ZKSCAN8: variants seen among roughly 807,000 people sequenced by gnomAD.
The protein encoded by ZKSCAN8 is zinc finger protein with KRAB and SCAN domains 8.
In ZKSCAN8, 27 loss-of-function variants were observed where a neutral mutation model predicts 57.2. The observed-to-expected ratio is 0.47, with a 90% CI of 0.35 to 0.65. The LOEUF (loss-of-function observed/expected upper bound fraction) is 0.65, where lower values mean the gene tolerates loss of function less well. ZKSCAN8 is among the 30% of genes least tolerant of loss of function. The pLI is 0.01. For synonymous variants in ZKSCAN8, 214 were observed against 248.7 expected (o/e 0.86, Z 1.31); for missense variants, 597 against 696.3 (o/e 0.86, Z 1.60).
At chr6:28,145,255 AGG>A (rs1189351193) in intron 1 of ZKSCAN8, among the ~76,000 whole-genome samples, 6 of 152,160 alleles carry the variant, frequency 3.9e-5, no homozygotes, top group Admixed American at 3.3e-4. Flanking sequence ...ACATTATGAA[AGG>A]TCCCTGGGAT....
chr6:28,148,970 T>C (rs1389090014), intron 2 of ZKSCAN8, 146 bp downstream of exon 2: 2 of 960,340 alleles, frequency 2.1e-6, no homozygotes, highest in Non-Finnish European at 3.0e-6. Context: ...GTATGACTTG[T>C]AGAGTTCTTT....
Position 28,154,049 on chromosome 6 carries a change from C to T in ZKSCAN8, c.*32C>T. On this transcript the variant is annotated 3_prime_UTR_variant, in exon 6 of 6. Transcript: ENST00000330236. ...CATCAGTTAGAGTTTGAGCATTATTCAGCATTAGGGAAACCACACACTGGT... is the reference window on the plus strand; with the variant it reads ...CATCAGTTAGAGTTTGAGCATTATTTAGCATTAGGGAAACCACACACTGGT... The T allele has an allele frequency of 6.5e-7, 1 of 1,547,956 alleles. No individual in the cohort carries two copies. The highest frequency in any genetic ancestry group is 1.3e-5 in the South Asian group (1 of 79,120).
Position 28,158,500 on chromosome 6 carries a change from A to G in ZKSCAN8, c.*4483A>G, listed in dbSNP as rs1765861099. ...TCTTTTTAAACAGGCCTCATTGCGT[A>G]ATTCCTTTGCCCTGAAAAGTGTCAC... On this transcript the variant is annotated 3_prime_UTR_variant, in exon 6 of 6. Coordinates refer to ENST00000330236, the MANE Select transcript of ZKSCAN8 (RefSeq NM_006298.4). 2 of 152,110 alleles carry G rather than the reference A, an allele frequency of 1.3e-5. No homozygotes were observed. Among genetic ancestry groups the G allele is most frequent in the African/African-American group, 2.4e-5 (1 of 41,410 alleles). The allele number at this position is 152,110 out of a possible 1,614,324, so 9.4% of individuals were successfully genotyped here.
At chr6:28,150,639 G>A (rs1765561917) in intron 3 of ZKSCAN8, among the ~76,000 whole-genome samples, 1 of 152,070 alleles carries the variant, frequency 6.6e-6, no homozygotes, top group South Asian at 2.1e-4. Flanking sequence ...CTGACTTAGT[G>A]ATTACTAGAA....
At chr6:28,149,371 G>A in intron 2 of ZKSCAN8, 112 bp from the exon 3 acceptor site, 1 of 1,359,960 alleles carries the variant, frequency 7.4e-7, no homozygotes, top group East Asian at 2.4e-5. Context: ...GGAAGATTCT[G>A]CTGCTTCCTT....
chr6:28,148,335 C>A lies in ZKSCAN8; in HGVS notation c.-73C>A. 6.8e-7 allele frequency: 1 copy of A among 1,464,670 alleles called. No individual in the cohort carries two copies. Among genetic ancestry groups the A allele is most frequent in the African/African-American group, 1.4e-5 (1 of 70,530 alleles). 90.7% of individuals were successfully genotyped at this position (1,464,670 alleles called of 1,614,324 possible). ...ATGAAGAAGTACCCTTAGAAAGAGG[C>A]CCTCAGAAGAGTCTTCTCTTAAGAA... On this transcript the variant is annotated 5_prime_UTR_variant, in exon 2 of 6. Coordinates refer to ENST00000330236, the MANE Select transcript of ZKSCAN8 (RefSeq NM_006298.4).
At chr6:28,152,426 G>C in intron 5 of ZKSCAN8, 42 bp downstream of exon 5, 1 of 1,566,040 alleles carries the variant, frequency 6.4e-7, no homozygotes, top group Non-Finnish European at 8.6e-7. Flanking sequence ...TAGATTTTTT[G>C]TTTGTTTGTT....
At position 28,148,450 on chromosome 6, in the gene ZKSCAN8, G is replaced by T; in HGVS notation, c.43G>T (p.Asp15Tyr). Reference protein sequence around the residue: ...SRKPSAPSPPDQTPEEDLVIV... With the variant: ...SRKPSAPSPPYQTPEEDLVIV... ...AAAGCCTTCAGCCCCATCCCCACCAGACCAGACTCCTGAAGAGGATCTTGT... is the reference window on the plus strand; with the variant it reads ...AAAGCCTTCAGCCCCATCCCCACCATACCAGACTCCTGAAGAGGATCTTGT... The change falls in exon 2 of 6, where the codon GAC (aspartate) becomes TAC (tyrosine). Residue 15 changes from aspartate to tyrosine, a missense_variant. Coordinates refer to ENST00000330236, the MANE Select transcript of ZKSCAN8 (RefSeq NM_006298.4). 1 of 1,614,114 alleles carries T rather than the reference G, an allele frequency of 6.2e-7. No homozygotes were observed. Among genetic ancestry groups the T allele is most frequent in the South Asian group, 1.1e-5 (1 of 91,026 alleles).
rs567991606 is a variant in ZKSCAN8 at position 28,152,129 on chromosome 6, C to T, written c.652-132C>T. On this transcript the variant is annotated intron_variant, in intron 4 of 5. Coordinates refer to ENST00000330236, the MANE Select transcript of ZKSCAN8 (RefSeq NM_006298.4). ...TCATGCATTTTCCTCTTCTTCCTAG[C>T]TATTCAGATCCCTTTACATAGTACA... is the stretch of plus-strand genomic sequence containing the variant. 23 of 1,419,052 alleles carry T rather than the reference C, an allele frequency of 1.6e-5. No homozygotes were observed. In the Admixed American group the frequency reaches 4.8e-4, roughly 30 times the overall value. 87.9% of individuals were successfully genotyped at this position (1,419,052 alleles called of 1,614,324 possible). A position where few individuals can be genotyped will look rare whatever the true frequency, so the allele number is the denominator to read the frequency against.
intron 3 of ZKSCAN8, among the ~76,000 whole-genome samples, chr6:28,150,721 C>T (rs1020804017): frequency 1.3e-5 from 2 of 152,084 alleles, no homozygotes; most frequent in African/African-American, 4.8e-5. Flanking sequence ...AGAGTGCTCC[C>T]TTCTCCCAAT....
intron 3 of ZKSCAN8, among the ~76,000 whole-genome samples, chr6:28,151,525 G>A (rs1237109879): frequency 6.6e-6 from 1 of 152,156 alleles, no homozygotes; most frequent in African/African-American, 2.4e-5. Context: ...TAGGACCTAA[G>A]GAAATACTGT....
chr6:28,156,162 C>T lies in ZKSCAN8; in HGVS notation c.*2145C>T. 2.5e-6 allele frequency: 1 copy of T among 398,180 alleles called. No homozygotes were observed. Among genetic ancestry groups the T allele is most frequent in the South Asian group, 1.3e-4 (1 of 7,858 alleles). The allele number at this position is 398,180 out of a possible 1,614,324, so 24.7% of individuals were successfully genotyped here. ...CAGAGGGAAAATATATGTGTATGTA[C>T]ACATGTGTATGTACACACACACACA... On this transcript the variant is annotated 3_prime_UTR_variant, in exon 6 of 6. Transcript: ENST00000330236.
intron 1 of ZKSCAN8, among the ~76,000 whole-genome samples, chr6:28,145,450 G>A (rs1338084319): frequency 6.6e-6 from 1 of 151,926 alleles, no homozygotes; most frequent in Non-Finnish European, 1.5e-5. Flanking sequence ...AAAAAATTTG[G>A]TCCCTATTGA....
intron 1 of ZKSCAN8, among the ~76,000 whole-genome samples, chr6:28,142,598 A>G (rs1765256341): frequency 1.3e-5 from 2 of 151,982 alleles, no homozygotes; most frequent in Non-Finnish European, 2.9e-5. Flanking sequence ...TTCATTTGTT[A>G]AAGCAAACTG....
rs376801736 is a variant in ZKSCAN8, at chr6:28,142,169, T to G, written c.-93+140T>G. On this transcript the variant is annotated intron_variant, in intron 1 of 5. Transcript: ENST00000330236. The stretch of plus-strand genomic sequence containing the variant: ...CGCGGACCGATTCTGACGCCTTAGT[T>G]GCTGTTGCAGGCAGAGTACGTCCCC... The G allele has an allele frequency of 1.0e-4, 16 of 152,396 alleles. 1 individual carries two copies. Among genetic ancestry groups the G allele is most frequent in the African/African-American group, 3.6e-4 (15 of 41,576 alleles). 9.4% of individuals were successfully genotyped at this position (152,396 alleles called of 1,614,324 possible).
chr6:28,152,422 T>C (rs1310782847), intron 5 of ZKSCAN8, 38 bp downstream of exon 5: 3 of 1,568,718 alleles, frequency 1.9e-6, no homozygotes, highest in Non-Finnish European at 2.6e-6. Context: ...ATTTTAGATT[T>C]TTTGTTTGTT....
Position 28,145,782 on chromosome 6 carries a change from G to A in ZKSCAN8, c.-92-2534G>A, listed in dbSNP as rs1054491690. On this transcript the variant is annotated intron_variant, in intron 1 of 5. Coordinates refer to ENST00000330236, the MANE Select transcript of ZKSCAN8 (RefSeq NM_006298.4). ...TCACATGACCTTCTCCTTTCTCAGA[G>A]TCTGTCTCTGTGTCTTTTTTCCTTT... 2.6e-5 allele frequency among the ~76,000 whole-genome samples: 4 copies of A among 152,158 alleles called. No homozygotes were observed. In the East Asian group the frequency reaches 7.7e-4, roughly 29 times the overall value.
rs567686629 is a variant in ZKSCAN8 at position 28,147,087 on chromosome 6, G to A, written c.-92-1229G>A. 4.6e-5 allele frequency among the ~76,000 whole-genome samples: 7 copies of A among 152,052 alleles called. No homozygotes were observed. The East Asian group carries it at 1.4e-3, about 29-fold the overall frequency. ...ACTTTTTTTCTTCAAAAGGCCCTAT[G>A]AAAAGGATGAAAAAGAGGGAATACT... is the stretch of plus-strand genomic sequence containing the variant. On this transcript the variant is annotated intron_variant, in intron 1 of 5. Transcript: ENST00000330236.
At position 28,144,256 on chromosome 6, in the gene ZKSCAN8, A is replaced by G. The variant is rs904210538; in HGVS notation, c.-93+2227A>G. ...TTCTTGGATGGCCTTTGAGTCTGTG[A>G]ACTCTGCCGAAATTGAGTATACAAT... is the stretch of plus-strand genomic sequence containing the variant. On this transcript the variant is annotated intron_variant, in intron 1 of 5. Coordinates refer to ENST00000330236, the MANE Select transcript of ZKSCAN8 (RefSeq NM_006298.4). This position sits in a 1 kb window ranked among gnomAD's most constrained non-coding sequence, Gnocchi z 4.5. 4 of 152,206 alleles carry G rather than the reference A, an allele frequency of 2.6e-5. No homozygotes were observed. Among genetic ancestry groups the G allele is most frequent in the Non-Finnish European group, 5.9e-5 (4 of 68,068 alleles). The allele number at this position is 152,206 out of a possible 1,614,324, so 9.4% of individuals were successfully genotyped here.
Sources: gnomAD v4.1 joint callset for allele counts (sites outside exome capture counted in the v4.1 genomes callset) on GRCh38, gnomAD v4.1.1 for gene constraint, Gnocchi (gnomAD v3.1) non-coding constraint, MANE v1.5 for transcripts, NCBI Gene and HGNC (gene_info 2026-07-23, HGNC 2026-07-21) for gene names.